Variants in ZNF292 observed in about 807,000 individuals in gnomAD.
ZNF292 encodes the protein 16 zinc-finger domain protein.
A neutral mutation model predicts 217.9 loss-of-function variants in ZNF292; 26 were observed. The observed-to-expected ratio is 0.12, with a 90% CI of 0.09 to 0.17. ZNF292 has a LOEUF of 0.17. ZNF292 is among the 10% of genes least tolerant of loss of function. The pLI is 1.00. For synonymous variants in ZNF292, 1,257 were observed against 1,124.1 expected (o/e 1.12, Z -2.37); for missense variants, 2,904 against 3,175.2 (o/e 0.91, Z 2.05).
At chr6:87,213,164 T>C (rs1772576620) in intron 1 of ZNF292, among the ~76,000 whole-genome samples, 1 of 152,224 alleles carries the variant, frequency 6.6e-6, no homozygotes, top group South Asian at 2.1e-4. Context: ...TTGAGCCTGC[T>C]AAGCATTCAG....
At chr6:87,203,951 A>G (rs1304241978) in intron 1 of ZNF292, among the ~76,000 whole-genome samples, 1 of 152,168 alleles carries the variant, frequency 6.6e-6, no homozygotes, top group African/African-American at 2.4e-5. Context: ...AGGAGGGCAG[A>G]CACTACTTTA....
chr6:87,177,692 A>G (rs187506391), intron 1 of ZNF292, among the ~76,000 whole-genome samples: 1 of 152,358 alleles, frequency 6.6e-6, no homozygotes, highest in Admixed American at 6.5e-5. Context: ...ACCATGAGTT[A>G]AAATCCCAAC....
At chr6:87,196,895 AATAAC>A (rs1771966624) in intron 1 of ZNF292, among the ~76,000 whole-genome samples, 1 of 152,246 alleles carries the variant, frequency 6.6e-6, no homozygotes, top group Admixed American at 6.5e-5. Context: ...TTATGGTAAA[AATAAC>A]AAAGCCAACA....
At position 87,261,981 on chromosome 6, in the gene ZNF292, A is replaced by G. The variant is rs529350811; in HGVS notation, c.*180A>G. The G allele has an allele frequency of 2.1e-5, 9 of 434,986 alleles. No homozygotes were observed. The South Asian group carries it at 2.8e-4, about 14-fold the overall frequency. 26.9% of individuals were successfully genotyped at this position (434,986 alleles called of 1,614,324 possible). A position where few individuals can be genotyped will look rare whatever the true frequency, so the allele number is the denominator to read the frequency against. On this transcript the variant is annotated 3_prime_UTR_variant, in exon 8 of 8. Coordinates refer to ENST00000369577, the MANE Select transcript of ZNF292 (RefSeq NM_015021.3). Reference sequence around the variant, plus strand: ...TCATGTAAAACTTTTTTTTATCCCTATGGGACTTGAGGAACAGAATCAGTA... The same window carrying G: ...TCATGTAAAACTTTTTTTTATCCCTGTGGGACTTGAGGAACAGAATCAGTA...
rs183777120 is a variant in ZNF292 at position 87,227,124 on chromosome 6, G to A, written c.539-6201G>A. Among the ~76,000 whole-genome samples, 22 of 152,278 alleles carry A rather than the reference G, an allele frequency of 1.4e-4. No homozygotes were observed. The East Asian group carries it at 4.2e-3, about 29-fold the overall frequency. ...ATGAAATACTTTCTAATCTTTGAAA[G>A]TTAATTCTATTTCCTGAAAATGTAA... On this transcript the variant is annotated intron_variant, in intron 4 of 7. Transcript: ENST00000369577.
At chr6:87,232,109 G>A (rs372940962) in intron 4 of ZNF292, among the ~76,000 whole-genome samples, 2 of 152,090 alleles carry the variant, frequency 1.3e-5, no homozygotes, top group African/African-American at 4.8e-5. Context: ...TTAGTGTAAT[G>A]TAAAGAATAG....
chr6:87,225,753 T>C (rs953685517), intron 4 of ZNF292, among the ~76,000 whole-genome samples: 1 of 152,194 alleles, frequency 6.6e-6, no homozygotes, highest in Non-Finnish European at 1.5e-5. Context: ...TTTCACTTAT[T>C]CTATGGTGTG....
intron 1 of ZNF292, among the ~76,000 whole-genome samples, chr6:87,189,816 G>A (rs1337945340): frequency 6.6e-6 from 1 of 152,166 alleles, no homozygotes; most frequent in Non-Finnish European, 1.5e-5. Flanking sequence ...TACTCGGAAG[G>A]AAGGAAGCCA....
At chr6:87,179,158 CTTTTTT>C (rs10670719) in intron 1 of ZNF292, among the ~76,000 whole-genome samples, 11,547 of 116,348 alleles carry the variant, frequency 0.099, 852 homozygotes, top group African/African-American at 0.23. Context: ...ATATATGTGG[CTTTTTT>C]TTTTTTTTTT....
chr6:87,211,849 A>G (rs762566011), intron 1 of ZNF292, among the ~76,000 whole-genome samples: 1 of 151,990 alleles, frequency 6.6e-6, no homozygotes, highest in Non-Finnish European at 1.5e-5. Context: ...TCTCCCCCCA[A>G]CTCATCTTCA....
At chr6:87,155,827 G>T in intron 1 of ZNF292, 68 bp downstream of exon 1, 1 of 1,467,934 alleles carries the variant, frequency 6.8e-7, no homozygotes, top group South Asian at 1.4e-5. Flanking sequence ...GCGAGCGCTA[G>T]GCGGCCGAGA....
At chr6:87,232,039 A>C (rs1035287297) in intron 4 of ZNF292, among the ~76,000 whole-genome samples, 1 of 152,188 alleles carries the variant, frequency 6.6e-6, no homozygotes, top group Non-Finnish European at 1.5e-5. Flanking sequence ...TCATAAAGAC[A>C]TGTAGTCAGA....
chr6:87,243,653 A>T (rs1488075039), intron 6 of ZNF292, 42 bp downstream of exon 6: 2 of 1,424,544 alleles, frequency 1.4e-6, no homozygotes, highest in Non-Finnish European at 9.3e-7. Flanking sequence ...TTTGTTAAAT[A>T]AGAATGCAAA....
rs1165803157 is a variant in ZNF292, at chr6:87,263,310, T to A, written c.*1509T>A. ...CGTAAATAGTAACATTGTTTTTTTT[T>A]ATTTTGTGTTTGTTATAAAACAGTT... On this transcript the variant is annotated 3_prime_UTR_variant, in exon 8 of 8. Transcript: ENST00000369577. 2 of 152,050 alleles carry A rather than the reference T, an allele frequency of 1.3e-5. No homozygotes were observed. The highest frequency in any genetic ancestry group is 2.9e-5 in the Non-Finnish European group (2 of 67,932). 9.4% of individuals were successfully genotyped at this position (152,050 alleles called of 1,614,324 possible). A position where few individuals can be genotyped will look rare whatever the true frequency, so the allele number is the denominator to read the frequency against.
chr6:87,181,857 T>A (rs1000274952), intron 1 of ZNF292, among the ~76,000 whole-genome samples: 11 of 152,100 alleles, frequency 7.2e-5, no homozygotes, highest in Admixed American at 3.9e-4. Flanking sequence ...AATTTTTTTT[T>A]ATTTTTAGTA....
rs1307759930 is a variant in ZNF292, at chr6:87,257,190, C to T, written c.3561C>T (p.Val1187=). 1.9e-6 allele frequency: 3 copies of T among 1,613,886 alleles called. No homozygotes were observed. In the South Asian group the frequency reaches 3.3e-5, roughly 18 times the overall value. The change falls in exon 8 of 8, where the codon GTC becomes GTT. Residue 1187 remains valine (V), a synonymous_variant. Transcript: ENST00000369577. Reference sequence around the variant, plus strand: ...CTTGTTCGGCCCAGTTGCAGCATGTCTCGCCACCCATTTTTCCAGCTCATT... The same window carrying T: ...CTTGTTCGGCCCAGTTGCAGCATGTTTCGCCACCCATTTTTCCAGCTCATT... The part of the protein sequence containing the change: ...NPACSAQLQH[V]SPPIFPAHLA...
chr6:87,261,158 T>A lies in ZNF292; in HGVS notation c.7529T>A (p.Val2510Glu). 6.2e-7 allele frequency: 1 copy of A among 1,612,992 alleles called. No individual in the cohort carries two copies. Among genetic ancestry groups the A allele is most frequent in the Non-Finnish European group, 8.5e-7 (1 of 1,179,538 alleles). Reference sequence around the variant, plus strand: ...ACCCAAGCTAATACTTCTTCAAATGTAAGTAATGATTTTCAGGAAGATAAC... The same window carrying A: ...ACCCAAGCTAATACTTCTTCAAATGAAAGTAATGATTTTCAGGAAGATAAC... The part of the protein sequence containing the change: ...VETQANTSSN[V>E]SNDFQEDNLC... The change falls in exon 8 of 8, where the codon GTA (valine) becomes GAA (glutamate). Residue 2510 changes from valine (V) to glutamate (E), a missense_variant. Val to Glu is a moderately radical substitution (Grantham distance 121). Transcript: ENST00000369577.
chr6:87,244,856 C>T lies in ZNF292; in HGVS notation c.879-647C>T, dbSNP rs1202047799. Among the ~76,000 whole-genome samples the T allele has an allele frequency of 3.3e-5, 5 of 152,062 alleles. No individual in the cohort carries two copies. The South Asian group carries it at 1.0e-3, about 32-fold the overall frequency. On this transcript the variant is annotated intron_variant, in intron 6 of 7. Coordinates refer to ENST00000369577, the MANE Select transcript of ZNF292 (RefSeq NM_015021.3). ...TATATATTATATATACACATGCACA[C>T]ACATATATACGTACACACACATATC...
chr6:87,256,590 G>T lies in ZNF292; in HGVS notation c.2961G>T (p.Gln987His), dbSNP rs1247086315. 2 of 1,613,624 alleles carry T rather than the reference G, an allele frequency of 1.2e-6. No homozygotes were observed. The highest frequency in any genetic ancestry group is 1.7e-6 in the Non-Finnish European group (2 of 1,179,824). Reference protein sequence around the residue: ...TCNDLCHPGFQERKEQDCFND... With the variant: ...TCNDLCHPGFHERKEQDCFND... ...ATGATTTGTGTCATCCAGGTTTCCA[G>T]GAGAGAAAAGAACAAGATTGCTTTA... Residue 987 changes from glutamine to histidine, a missense_variant, in exon 8 of 8, where the codon CAG (glutamine) becomes CAT (histidine). Transcript: ENST00000369577.
Sources: allele counts gnomAD v4.1 joint callset (sites outside exome capture counted in the v4.1 genomes callset), GRCh38; gene constraint gnomAD v4.1.1; transcripts MANE v1.5; gene names NCBI Gene and HGNC (gene_info 2026-07-23, HGNC 2026-07-21).